The following DGKB variants were observed in gnomAD, a reference collection of about 807,000 sequenced individuals.
DGKB encodes the protein diacylglycerol kinase beta.
Under a neutral mutation model 114.3 loss-of-function variants are expected in DGKB, and 67 were observed. The observed-to-expected ratio is 0.59, with a 90% CI of 0.48 to 0.72. The LOEUF is 0.72. Ranked by LOEUF, DGKB falls within the 30% of genes least tolerant of loss-of-function variation. The pLI is 0.00. For missense variants in DGKB, 907 were observed against 975.2 expected (o/e 0.93, Z 0.93); for synonymous variants, 398 against 323.1 (o/e 1.23, Z -2.49).
At chr7:14,177,597 G>T (rs1781974682) in intron 24 of DGKB, among the ~76,000 whole-genome samples, 1 of 142,958 alleles carries the variant, frequency 7.0e-6, no homozygotes, top group Non-Finnish European at 1.6e-5. Flanking sequence ...GGAAATTTTG[G>T]GCAAAAAAAA....
rs56176139 is a variant in DGKB, at chr7:14,937,025, T to TACACACACAC, written c.-188+37661_-188+37670dup. 2.6e-4 allele frequency among the ~76,000 whole-genome samples: 35 copies of TACACACACAC among 132,354 alleles called. 1 individual carries two copies. Among genetic ancestry groups the TACACACACAC allele is most frequent in the Admixed American group, 7.0e-4 (9 of 12,770 alleles). 86.8% of individuals were successfully genotyped at this position (132,354 alleles called of 152,430 possible). ...TATTGATGTGATTATGTCCATTCACTACACACACACACACACACACACACA... is the reference window on the plus strand; with the variant it reads ...TATTGATGTGATTATGTCCATTCACTACACACACACACACACACACACACACACACACACA... On this transcript the variant is annotated intron_variant, in intron 1 of 4. Coordinates refer to the DGKB transcript ENST00000437998.
intron 20 of DGKB, among the ~76,000 whole-genome samples, chr7:14,516,333 ACT>A (rs1788790500): frequency 6.6e-6 from 1 of 151,840 alleles, no homozygotes; most frequent in African/African-American, 2.4e-5. Flanking sequence ...TCAAATATCC[ACT>A]CTCTCCCAGT....
intron 2 of DGKB, chr7:14,816,320 T>A (rs2128092694): frequency 6.6e-6 from 1 of 152,320 alleles, no homozygotes; most frequent in South Asian, 2.1e-4. Flanking sequence ...CCAGCCTGGG[T>A]GACAAGAGTG....
At position 14,580,850 on chromosome 7, in the gene DGKB, C is replaced by A; in HGVS notation, c.1609+12G>T. 2 of 1,584,518 alleles carry A rather than the reference C, an allele frequency of 1.3e-6. No homozygotes were observed. The highest frequency in any genetic ancestry group is 3.4e-4 in the Middle Eastern group (2 of 5,934). The stretch of plus-strand genomic sequence containing the variant: ...TGTACTGTTTCTGCTTTTGTTGTTG[C>A]AGCTGCTTTACCTCCTCCCCATCGC... On this transcript the variant is annotated intron_variant, in intron 19 of 25. Coordinates refer to ENST00000402815, the MANE Select transcript of DGKB (RefSeq NM_001350709.2).
At chr7:14,758,208 C>T (rs1464476204) in intron 2 of DGKB, among the ~76,000 whole-genome samples, 1 of 151,862 alleles carries the variant, frequency 6.6e-6, no homozygotes, top group Non-Finnish European at 1.5e-5. Flanking sequence ...TTACCCTATT[C>T]AATGAAGAAA....
rs17167930 is a variant in DGKB at position 14,148,306 on chromosome 7, T to C, written c.*825A>G. The C allele has an allele frequency of 0.19, 28,820 of 152,520 alleles. 3,220 individuals carry two copies. The highest frequency in any genetic ancestry group is 0.31 in the African/African-American group (12,708 of 41,462). 9.4% of individuals were successfully genotyped at this position (152,520 alleles called of 1,614,324 possible). On this transcript the variant is annotated 3_prime_UTR_variant, in exon 26 of 26. Transcript: ENST00000402815. ...GCATTAACCCATTTCTCTCAAGCAT[T>C]GTTTTCTGAATCTTTGGTGGGAAAC...
intron 1 of DGKB, among the ~76,000 whole-genome samples, chr7:14,856,017 ACAC>A (rs1850099926): frequency 2.6e-5 from 1 of 38,186 alleles, no homozygotes; most frequent in African/African-American, 1.9e-4. Context: ...ACACACACAC[ACAC>A]ATAATTAACA....
chr7:14,950,975 G>C (rs1786169082), intron 1 of DGKB, among the ~76,000 whole-genome samples: 1 of 151,684 alleles, frequency 6.6e-6, no homozygotes, highest in Non-Finnish European at 1.5e-5. Flanking sequence ...CATATTAATA[G>C]AATAAAAAAC....
chr7:14,289,412 G>A (rs549015132), intron 23 of DGKB, among the ~76,000 whole-genome samples: 2 of 152,012 alleles, frequency 1.3e-5, no homozygotes, highest in East Asian at 3.9e-4. Flanking sequence ...GGCAGTTTCT[G>A]AACAATAATA....
intron 5 of DGKB, among the ~76,000 whole-genome samples, chr7:14,725,191 C>G (rs1185879140): frequency 6.6e-6 from 1 of 151,808 alleles, no homozygotes; most frequent in Non-Finnish European, 1.5e-5. Flanking sequence ...AAACAGAAAA[C>G]AAAAAACAAA....
rs111465898 is a variant in DGKB, at chr7:14,937,171, G to A, written c.-188+37525C>T. Reference sequence around the variant, plus strand: ...CTTTTACAATGTATATACTATCAACGTATTAATCAATTAATCTATTACTAA... The same window carrying A: ...CTTTTACAATGTATATACTATCAACATATTAATCAATTAATCTATTACTAA... On this transcript the variant is annotated intron_variant, in intron 1 of 4. Coordinates refer to the DGKB transcript ENST00000437998. Among the ~76,000 whole-genome samples the A allele has an allele frequency of 3.9e-3, 584 of 150,902 alleles. 5 individuals are homozygous for A. Among genetic ancestry groups the A allele is most frequent in the African/African-American group, 0.013 (522 of 41,012 alleles).
chr7:14,569,768 A>C (rs541900161), intron 20 of DGKB, among the ~76,000 whole-genome samples: 40 of 132,414 alleles, frequency 3.0e-4, no homozygotes, highest in African/African-American at 9.8e-4. Flanking sequence ...TCCAGCTCCA[A>C]TCTTGCATAG....
Position 14,305,701 on chromosome 7 carries a change from G to A in DGKB, c.2122+32814C>T, listed in dbSNP as rs190873754. Reference sequence around the variant, plus strand: ...GGCAGTGGTCCCACAGATTGCACCAGTGTAATTTCAAGGCCTTGATTTGCC... The same window carrying A: ...GGCAGTGGTCCCACAGATTGCACCAATGTAATTTCAAGGCCTTGATTTGCC... On this transcript the variant is annotated intron_variant, in intron 23 of 25. Coordinates refer to ENST00000402815, the MANE Select transcript of DGKB (RefSeq NM_001350709.2). Among the ~76,000 whole-genome samples the A allele has an allele frequency of 8.9e-4, 136 of 152,242 alleles. 2 individuals carry two copies. Among genetic ancestry groups the A allele is most frequent in the African/African-American group, 3.2e-3 (132 of 41,556 alleles).
intron 3 of DGKB, among the ~76,000 whole-genome samples, chr7:14,754,588 A>C (rs55989827): frequency 7.5e-6 from 1 of 132,696 alleles, no homozygotes; most frequent in African/African-American, 3.3e-5. Context: ...GAAAAAAAAA[A>C]TGTGTGGAAT....
chr7:14,498,778 C>T (rs1043476760), intron 20 of DGKB, among the ~76,000 whole-genome samples: 2 of 151,602 alleles, frequency 1.3e-5, no homozygotes, highest in Non-Finnish European at 3.0e-5. Context: ...ATAACAATGT[C>T]AAAATTACCA....
chr7:14,770,510 C>A (rs980641776), intron 2 of DGKB, among the ~76,000 whole-genome samples: 2 of 151,992 alleles, frequency 1.3e-5, no homozygotes, highest in African/African-American at 4.8e-5. Context: ...AAGTGTCATG[C>A]CTAAATGAAG....
Position 14,951,377 on chromosome 7 carries a change from G to T in DGKB, c.-188+23319C>A, listed in dbSNP as rs1376551594. Among the ~76,000 whole-genome samples, 3 of 152,128 alleles carry T rather than the reference G, an allele frequency of 2.0e-5. No individual in the cohort carries two copies. The South Asian group carries it at 6.2e-4, about 32-fold the overall frequency. ...ATAAAGACATGGAAGAACATTAAAT[G>T]TAAGTTAAGTGAAAGATGCCAATCT... On this transcript the variant is annotated intron_variant, in intron 1 of 4. Coordinates refer to the DGKB transcript ENST00000437998.
intron 3 of DGKB, among the ~76,000 whole-genome samples, chr7:14,754,185 G>A (rs934899315): frequency 5.3e-5 from 8 of 152,080 alleles, no homozygotes; most frequent in Non-Finnish European, 1.0e-4. Flanking sequence ...CTAAAACTGC[G>A]TGGGGTCGGG....
At chr7:14,600,503 C>T (rs922107326) in intron 17 of DGKB, among the ~76,000 whole-genome samples, 3 of 152,076 alleles carry the variant, frequency 2.0e-5, no homozygotes, top group East Asian at 1.9e-4. Context: ...CTCCTCTAAC[C>T]GTCATCTAAA....
Sources: gnomAD v4.1 joint callset for allele counts (sites outside exome capture counted in the v4.1 genomes callset) on GRCh38, gnomAD v4.1.1 for gene constraint, MANE v1.5 for transcripts, NCBI Gene and HGNC (gene_info 2026-07-23, HGNC 2026-07-21) for gene names.